SLC9B1: variants seen among roughly 807,000 people sequenced by gnomAD.
SLC9B1 encodes sodium/hydrogen exchanger 9B1.
In SLC9B1, 32 loss-of-function variants were observed where a neutral mutation model predicts 51.7. The ratio of observed to expected loss-of-function variants is 0.62; its 90% confidence interval spans 0.47 to 0.83. The LOEUF is 0.83. SLC9B1 is among the 40% of genes least tolerant of loss of function. The pLI is 0.00. For missense variants in SLC9B1, 406 were observed against 613.2 expected (o/e 0.66, Z 3.57); for synonymous variants, 145 against 212.7 (o/e 0.68, Z 2.77).
intron 7 of SLC9B1, among the ~76,000 whole-genome samples, chr4:102,918,068 CAA>C (rs1196562612): frequency 9.6e-4 from 17 of 17,752 alleles, no homozygotes; most frequent in African/African-American, 1.8e-3. Flanking sequence ...AACTCCATCT[CAA>C]AAAAAAAAAA....
chr4:102,891,072 T>A (rs577632757), intron 11 of SLC9B1: 1 of 151,342 alleles, frequency 6.6e-6, no homozygotes, highest in East Asian at 1.9e-4. Context: ...AAGGAAATGA[T>A]GTATGTGTTT....
intron 7 of SLC9B1, among the ~76,000 whole-genome samples, chr4:102,922,982 A>G (rs1735960245): frequency 6.6e-6 from 1 of 152,222 alleles, no homozygotes; most frequent in Non-Finnish European, 1.5e-5. Context: ...CAGAGGCACA[A>G]AGAGGAGCTG....
In SLC9B1 at chr4:102,964,688, A is replaced by G. The variant is rs556767943; in HGVS notation, c.212-15261T>C. On this transcript the variant is annotated intron_variant, in intron 3 of 11. Transcript: ENST00000296422. Reference sequence around the variant, plus strand: ...ATAAACTATATTAACAGAATAAAGGACAAAACCATATGATCACCTCAATAG... The same window carrying G: ...ATAAACTATATTAACAGAATAAAGGGCAAAACCATATGATCACCTCAATAG... Among the ~76,000 whole-genome samples the G allele has an allele frequency of 2.6e-5, 4 of 152,314 alleles. No homozygotes were observed. In the East Asian group the frequency reaches 7.7e-4, roughly 29 times the overall value.
intron 1 of SLC9B1, among the ~76,000 whole-genome samples, chr4:103,011,960 T>A (rs570336639): frequency 6.6e-6 from 1 of 152,180 alleles, no homozygotes; most frequent in African/African-American, 2.4e-5. Context: ...ATGAATAACA[T>A]CTGGCTTCCT....
At chr4:102,972,780 AC>A (rs1738831427) in intron 3 of SLC9B1, among the ~76,000 whole-genome samples, 1 of 152,238 alleles carries the variant, frequency 6.6e-6, no homozygotes, top group Non-Finnish European at 1.5e-5. Flanking sequence ...TGTATATTAT[AC>A]CTCAAAAAAG....
chr4:102,905,814 T>C (rs1377615383), intron 10 of SLC9B1, among the ~76,000 whole-genome samples, 164 bp from the exon 11 acceptor site: 9 of 152,158 alleles, frequency 5.9e-5, no homozygotes, highest in Admixed American at 5.2e-4. Flanking sequence ...ATGAATATGA[T>C]GGAGGATTCT....
In SLC9B1 at chr4:102,945,213, C is replaced by T. The variant is rs1737208888; in HGVS notation, c.633G>A (p.Trp211Ter). The T allele has an allele frequency of 6.2e-7, 1 of 1,606,458 alleles. No individual in the cohort carries two copies. The highest frequency in any genetic ancestry group is 1.3e-5 in the African/African-American group (1 of 74,778). ...VFSHFIMKFP[W>*]QWAFLLGFVL... ...ATTACCCTAATAGAAATGCCCATTG[C>T]CAGGGAAATTTCATAATGAAGTGTG... The change falls in exon 6 of 12, where the codon TGG becomes TGA. Residue 211 changes from tryptophan (W) to a stop codon, truncating the protein, a stop_gained. Transcript: ENST00000296422. LOFTEE classifies it high-confidence loss of function.
chr4:102,892,688 A>T (rs534016541), intron 11 of SLC9B1: 1 of 152,306 alleles, frequency 6.6e-6, no homozygotes, highest in Non-Finnish European at 1.5e-5. Flanking sequence ...CACATTTCTG[A>T]TCTCTATTAT....
chr4:102,950,172 G>A (rs1043695232), intron 3 of SLC9B1, among the ~76,000 whole-genome samples: 2 of 152,102 alleles, frequency 1.3e-5, no homozygotes, highest in African/African-American at 4.8e-5. Flanking sequence ...GTGTCAAGGT[G>A]CCAAATCTTT....
intron 3 of SLC9B1, among the ~76,000 whole-genome samples, chr4:102,981,732 T>C (rs1210379277): frequency 6.6e-6 from 1 of 152,146 alleles, no homozygotes; most frequent in Non-Finnish European, 1.5e-5. Context: ...AGTTTTAGAG[T>C]TCTTTTTATA....
chr4:102,995,668 A>ATGCCT (rs1263164839), intron 1 of SLC9B1, among the ~76,000 whole-genome samples: 1 of 152,148 alleles, frequency 6.6e-6, no homozygotes, highest in East Asian at 1.9e-4. Flanking sequence ...CCAAGAGTGG[A>ATGCCT]ATTGGTAGGT....
chr4:103,019,070 G>A (rs959514824), intron 1 of SLC9B1, among the ~76,000 whole-genome samples: 6 of 152,126 alleles, frequency 3.9e-5, no homozygotes, highest in African/African-American at 1.4e-4. Flanking sequence ...ACTGATCCCT[G>A]GTGCCAAAAA....
chr4:102,987,962 C>T (rs1739735336), intron 3 of SLC9B1, among the ~76,000 whole-genome samples: 3 of 152,102 alleles, frequency 2.0e-5, no homozygotes, highest in Non-Finnish European at 4.4e-5. Flanking sequence ...GTTTTTAGGA[C>T]AGAGTGATGA....
At chr4:102,970,832 G>A (rs1023755511) in intron 3 of SLC9B1, among the ~76,000 whole-genome samples, 1 of 152,152 alleles carries the variant, frequency 6.6e-6, no homozygotes, top group African/African-American at 2.4e-5. Flanking sequence ...AGCAGGGGTT[G>A]CAATCCTAGT....
In SLC9B1 at chr4:102,910,469, G is replaced by C; in HGVS notation, c.1056C>G (p.Phe352Leu). 3.2e-6 allele frequency: 5 copies of C among 1,555,106 alleles called. No homozygotes were observed. The highest frequency in any genetic ancestry group is 3.5e-6 in the Non-Finnish European group (4 of 1,158,466). The change falls in exon 9 of 12, where the codon TTC becomes TTG. Residue 352 changes from phenylalanine (F) to leucine (L), a missense_variant. Phe to Leu is a conservative substitution (Grantham distance 22). Transcript: ENST00000296422. Reference protein sequence around the residue: ...SGGLCTLVLSFIAGTKWSQEK... With the variant: ...SGGLCTLVLSLIAGTKWSQEK... ...CTTGGGACCATTTTGTCCCTGCAATGAAACTCAACACTAGTGTGCATAATC... is the reference window on the plus strand; with the variant it reads ...CTTGGGACCATTTTGTCCCTGCAATCAAACTCAACACTAGTGTGCATAATC...
At chr4:103,009,809 A>G (rs1740997245) in intron 1 of SLC9B1, among the ~76,000 whole-genome samples, 2 of 152,256 alleles carry the variant, frequency 1.3e-5, no homozygotes, top group South Asian at 2.1e-4. Flanking sequence ...TAAAAGATTA[A>G]CACAATTATA....
intron 3 of SLC9B1, chr4:102,962,273 G>T: frequency 7.4e-6 from 4 of 540,318 alleles, no homozygotes; most frequent in Non-Finnish European, 3.8e-6. Flanking sequence ...TTTCATACAG[G>T]ATGAAGCCAT....
intron 6 of SLC9B1, among the ~76,000 whole-genome samples, chr4:102,939,291 T>C (rs745359521): frequency 5.3e-5 from 8 of 151,210 alleles, no homozygotes; most frequent in East Asian, 1.9e-4. Flanking sequence ...CTATGAGAAA[T>C]TGGTAAATTT....
chr4:102,962,059 T>A (rs1381066204), intron 3 of SLC9B1: 1 of 336,626 alleles, frequency 3.0e-6, no homozygotes, highest in Non-Finnish European at 5.7e-6. Context: ...GCCCCTGGCA[T>A]CCAGCCCACA....
Sources: gnomAD v4.1 joint callset for allele counts (sites outside exome capture counted in the v4.1 genomes callset) on GRCh38, gnomAD v4.1.1 for gene constraint, MANE v1.5 for transcripts, NCBI Gene and HGNC (gene_info 2026-07-23, HGNC 2026-07-21) for gene names.